The following MED13L variants were observed in gnomAD, a reference collection of about 807,000 sequenced individuals.
MED13L encodes the protein mediator of RNA polymerase II transcription subunit 13-like.
In MED13L, 7 loss-of-function variants were observed where a neutral mutation model predicts 220.9. That is an observed-to-expected ratio of 0.03 (90% CI 0.02 to 0.06). MED13L has a LOEUF of 0.06. Among genes scored for constraint, MED13L ranks in the 10% least tolerant of loss-of-function variants. The probability of loss-of-function intolerance (pLI) is 1.00; values close to 1 mark genes in which losing one functional copy is unlikely to be tolerated. For missense variants in MED13L, 1,965 were observed against 2,760.5 expected (o/e 0.71, Z 6.46); for synonymous variants, 1,011 against 1,015.2 (o/e 1.00, Z 0.08).
Position 115,991,717 on chromosome 12 carries a change from T to C in MED13L, c.3237A>G (p.Gln1079=). The change falls in exon 17 of 31, where the codon CAA becomes CAG. Residue 1079 remains glutamine (Q), a synonymous_variant. Coordinates refer to ENST00000281928, the MANE Select transcript of MED13L (RefSeq NM_015335.5). This position sits in a 1 kb window ranked among gnomAD's most constrained non-coding sequence, Gnocchi z 7.7. ...TAGAGGGGGTGGAGGCTGGTGATCC[T>C]TGATCGGTGCTATCATACTTAACAG... ...QGSVKYDSTD[Q]GSPASTPSTT... is the part of the protein sequence containing the mutation. 1 of 1,613,784 alleles carries C rather than the reference T, an allele frequency of 6.2e-7. No homozygotes were observed. Among genetic ancestry groups the C allele is most frequent in the African/African-American group, 1.3e-5 (1 of 74,960 alleles).
chr12:116,023,355 T>C (rs1880176380), intron 4 of MED13L, among the ~76,000 whole-genome samples: 1 of 152,172 alleles, frequency 6.6e-6, no homozygotes, highest in South Asian at 2.1e-4. Flanking sequence ...TTTTTCAAAA[T>C]TGTAACTTTG....
At chr12:115,998,248 A>AG (rs1179990467) in intron 14 of MED13L, among the ~76,000 whole-genome samples, 2 of 152,306 alleles carry the variant, frequency 1.3e-5, no homozygotes, top group Middle Eastern at 3.4e-3. Flanking sequence ...TTTGGCCACT[A>AG]GGGGGTGGCC....
At chr12:116,076,075 G>A (rs1312810276) in intron 4 of MED13L, among the ~76,000 whole-genome samples, 3 of 151,778 alleles carry the variant, frequency 2.0e-5, no homozygotes, top group Non-Finnish European at 4.4e-5. Flanking sequence ...TACCACGCCC[G>A]GCTAATTTTT....
chr12:116,048,463 T>C (rs1179824215), intron 4 of MED13L, among the ~76,000 whole-genome samples: 1 of 152,034 alleles, frequency 6.6e-6, no homozygotes, highest in East Asian at 1.9e-4. Context: ...GTCAAAACAT[T>C]AGGCTAGTGC....
At chr12:116,059,091 AG>A (rs1343525896) in intron 4 of MED13L, among the ~76,000 whole-genome samples, 1 of 152,192 alleles carries the variant, frequency 6.6e-6, no homozygotes, top group Non-Finnish European at 1.5e-5. Flanking sequence ...TTGTTAAGAC[AG>A]GGTCTCGCTC....
At chr12:116,108,399 G>GGGGGGGA in intron 3 of MED13L, among the ~76,000 whole-genome samples, 1 of 133,560 alleles carries the variant, frequency 7.5e-6, no homozygotes, top group African/African-American at 2.7e-5. Context: ...AAGGGGGGGG[G>GGGGGGGA]GGCGCGTGGG....
intron 8 of MED13L, among the ~76,000 whole-genome samples, chr12:116,013,655 T>C (rs938196800): frequency 1.3e-5 from 2 of 152,202 alleles, no homozygotes; most frequent in African/African-American, 2.4e-5. Flanking sequence ...TAATGTGAAA[T>C]AGAAAATAGA....
At chr12:116,009,324 A>T (rs893691695) in intron 9 of MED13L, among the ~76,000 whole-genome samples, 192 bp from the exon 10 acceptor site, 6 of 152,200 alleles carry the variant, frequency 3.9e-5, no homozygotes, top group African/African-American at 9.7e-5. Flanking sequence ...CATACAAGTT[A>T]AGCAGATAAG....
At chr12:116,086,655 G>A (rs1303290583) in intron 4 of MED13L, among the ~76,000 whole-genome samples, 2 of 152,068 alleles carry the variant, frequency 1.3e-5, no homozygotes, top group African/African-American at 4.8e-5. Flanking sequence ...AATCCTAAAT[G>A]AAGCATGCAA....
At chr12:116,024,208 T>C (rs1393035428) in intron 4 of MED13L, among the ~76,000 whole-genome samples, 1 of 151,946 alleles carries the variant, frequency 6.6e-6, no homozygotes, top group Non-Finnish European at 1.5e-5. Flanking sequence ...CCAACATTTA[T>C]CTAAGAATGG....
chr12:116,064,404 G>C (rs781403090), intron 4 of MED13L, among the ~76,000 whole-genome samples: 2 of 152,104 alleles, frequency 1.3e-5, no homozygotes, highest in Non-Finnish European at 2.9e-5. Flanking sequence ...TTCAATCTGT[G>C]GTTGGTTGAA....
intron 4 of MED13L, among the ~76,000 whole-genome samples, chr12:116,029,214 A>C (rs750797350): frequency 1.4e-5 from 2 of 147,444 alleles, no homozygotes; most frequent in Non-Finnish European, 3.0e-5. Context: ...GGTCTATTCT[A>C]AAAAGGGATT....
chr12:116,210,351 GA>G (rs543656276), intron 2 of MED13L, among the ~76,000 whole-genome samples: 330 of 151,952 alleles, frequency 2.2e-3, no homozygotes, highest in African/African-American at 7.6e-3. Flanking sequence ...ATTCTTAAAG[GA>G]AATCAGAAAA....
intron 4 of MED13L, among the ~76,000 whole-genome samples, chr12:116,076,799 G>A (rs1870839876): frequency 6.6e-6 from 1 of 152,094 alleles, no homozygotes; most frequent in Non-Finnish European, 1.5e-5. Context: ...ATTCTAACAA[G>A]CAACAATCCC....
In MED13L at chr12:115,980,953, AC is replaced by A. The variant is rs1170345945; in HGVS notation, c.5176-16del. 1.2e-6 allele frequency: 2 copies of A among 1,603,748 alleles called. No individual in the cohort carries two copies. The highest frequency in any genetic ancestry group is 1.7e-6 in the Non-Finnish European group (2 of 1,178,378). On this transcript the variant is annotated splice_polypyrimidine_tract_variant and intron_variant, in intron 22 of 30. Coordinates refer to ENST00000281928, the MANE Select transcript of MED13L (RefSeq NM_015335.5). The stretch of plus-strand genomic sequence containing the variant: ...CAAGGCACAATCTAAAGACACAAAT[AC>A]AAAAAAAAAACAAAAACCAAAAACC...
intron 2 of MED13L, among the ~76,000 whole-genome samples, chr12:116,136,534 G>A (rs1403754819): frequency 6.6e-6 from 1 of 152,154 alleles, no homozygotes; most frequent in Non-Finnish European, 1.5e-5. Flanking sequence ...AAGTTTTACA[G>A]CATTTCAAAC....
chr12:116,068,477 G>T (rs1222184714), intron 4 of MED13L, among the ~76,000 whole-genome samples: 1 of 152,078 alleles, frequency 6.6e-6, no homozygotes, highest in African/African-American at 2.4e-5. Context: ...TTTCCAAAAT[G>T]ATCAACTAAA....
chr12:116,019,977 G>C lies in MED13L; in HGVS notation c.626-5C>G. The C allele has an allele frequency of 6.2e-7, 1 of 1,610,446 alleles. No individual in the cohort carries two copies. On this transcript the variant is annotated splice_polypyrimidine_tract_variant and splice_region_variant and intron_variant, in intron 5 of 30. Transcript: ENST00000281928. ...AGCCATAAGGACTTACCAGTACTAT[G>C]GAGGGGAGGAGAAATACATGCTAAA...
chr12:115,973,896 C>G (rs924317415), intron 25 of MED13L, among the ~76,000 whole-genome samples: 2 of 152,148 alleles, frequency 1.3e-5, no homozygotes, highest in African/African-American at 2.4e-5. Context: ...TTTATATAAA[C>G]TGCTGTTAAA....
Sources: gnomAD v4.1 joint callset for allele counts (sites outside exome capture counted in the v4.1 genomes callset) on GRCh38, gnomAD v4.1.1 for gene constraint, Gnocchi (gnomAD v3.1) non-coding constraint, MANE v1.5 for transcripts, NCBI Gene and HGNC (gene_info 2026-07-23, HGNC 2026-07-21) for gene names.